Variants in USP36 observed in about 807,000 individuals in gnomAD.
USP36 encodes the protein ubiquitin carboxyl-terminal hydrolase 36.
In USP36, 59 loss-of-function variants were observed where a neutral mutation model predicts 111.5. The observed-to-expected ratio is 0.53, with a 90% CI of 0.43 to 0.66. The LOEUF is 0.66. USP36 is among the 30% of genes least tolerant of loss of function. USP36 has a pLI of 0.00. For synonymous variants in USP36, 628 were observed against 581.0 expected (o/e 1.08, Z -1.16); for missense variants, 1,488 against 1,468.0 (o/e 1.01, Z -0.22).
intron 10 of USP36, among the ~76,000 whole-genome samples, chr17:78,817,078 T>C (rs1908230777): frequency 6.6e-6 from 1 of 152,246 alleles, no homozygotes; most frequent in South Asian, 2.1e-4. Context: ...ATTTTCACTG[T>C]ACCTTCTCTA....
chr17:78,816,603 G>A (rs1185642811), intron 10 of USP36, among the ~76,000 whole-genome samples: 1 of 151,558 alleles, frequency 6.6e-6, no homozygotes, highest in African/African-American at 2.4e-5. Flanking sequence ...TCTAGCCTGG[G>A]TGACAGAGTA....
intron 4 of USP36, 61 bp downstream of exon 4, chr17:78,835,218 TG>T: frequency 6.5e-7 from 1 of 1,535,860 alleles, no homozygotes; most frequent in Non-Finnish European, 8.9e-7. Flanking sequence ...GTGCCACAAG[TG>T]CATGGGCTTA....
intron 4 of USP36, among the ~76,000 whole-genome samples, chr17:78,829,399 C>T (rs1360988165): frequency 6.6e-6 from 1 of 152,228 alleles, no homozygotes. Flanking sequence ...AGCTGCATCA[C>T]ATGGTAAATA....
intron 6 of USP36, among the ~76,000 whole-genome samples, chr17:78,824,546 A>G (rs2067363374): frequency 6.6e-6 from 1 of 152,250 alleles, no homozygotes; most frequent in Admixed American, 6.5e-5. Flanking sequence ...CCTGTCTCAA[A>G]AAGAATGGTT....
chr17:78,788,172 AT>A (rs112360629), intron 3 of USP36, among the ~76,000 whole-genome samples: 47 of 148,226 alleles, frequency 3.2e-4, no homozygotes, highest in South Asian at 1.1e-3. Context: ...TTATTTATTT[AT>A]TTTTTTTTTT....
At chr17:78,825,531 T>G (rs960559695) in intron 6 of USP36, among the ~76,000 whole-genome samples, 6 of 152,046 alleles carry the variant, frequency 3.9e-5, no homozygotes, top group African/African-American at 1.4e-4. Context: ...GCCTCCCTCC[T>G]CTTTCCAGCA....
intron 3 of USP36, among the ~76,000 whole-genome samples, chr17:78,788,344 T>C (rs1424198563): frequency 3.9e-5 from 6 of 152,098 alleles, no homozygotes; most frequent in East Asian, 3.9e-4. Flanking sequence ...TTTGTATTTT[T>C]AGTAGAGACA....
At chr17:78,822,798 T>G (rs1214685842) in intron 6 of USP36, among the ~76,000 whole-genome samples, 1 of 152,210 alleles carries the variant, frequency 6.6e-6, no homozygotes, top group African/African-American at 2.4e-5. Flanking sequence ...CTCACTGCTC[T>G]GGAACTGCCT....
At chr17:78,808,026 C>T (rs7211960) in intron 13 of USP36, among the ~76,000 whole-genome samples, 40,183 of 152,026 alleles carry the variant, frequency 0.26, 6,248 homozygotes, top group African/African-American at 0.44. Context: ...TTTATGGCCA[C>T]CTTTACTATA....
At chr17:78,817,803 A>G (rs2094222933) in intron 10 of USP36, among the ~76,000 whole-genome samples, 1 of 152,138 alleles carries the variant, frequency 6.6e-6, no homozygotes, top group Non-Finnish European at 1.5e-5. Context: ...ACTATAGGCC[A>G]GGTATGGTGG....
chr17:78,835,819 C>A (rs1043538069), intron 3 of USP36, among the ~76,000 whole-genome samples: 1 of 152,142 alleles, frequency 6.6e-6, no homozygotes, highest in Non-Finnish European at 1.5e-5. Context: ...TGCAGCCCAC[C>A]CCATTTCTCT....
At chr17:78,828,305 C>T (rs2067763556) in intron 5 of USP36, among the ~76,000 whole-genome samples, 1 of 152,172 alleles carries the variant, frequency 6.6e-6, no homozygotes, top group Admixed American at 6.5e-5. Flanking sequence ...ACAATTTACA[C>T]AGATTTCAAA....
intron 16 of USP36, 91 bp from the exon 17 acceptor site, chr17:78,802,626 G>A: frequency 7.7e-7 from 1 of 1,305,582 alleles, no homozygotes; most frequent in Non-Finnish European, 1.0e-6. Flanking sequence ...TGGAGAAGGT[G>A]CCACCCCAGC....
chr17:78,827,494 A>G, intron 5 of USP36, 147 bp from the exon 6 acceptor site: 1 of 723,382 alleles, frequency 1.4e-6, no homozygotes. Flanking sequence ...CAAGAGCTCT[A>G]CATGGATTTT....
At chr17:78,800,540 T>C (rs2093714588) in intron 17 of USP36, among the ~76,000 whole-genome samples, 1 of 152,222 alleles carries the variant, frequency 6.6e-6, no homozygotes. Context: ...TCTCCCTGCC[T>C]CCAATTCCTC....
rs1217629977 is a variant in USP36, at chr17:78,821,135, G to A, written c.758-74C>T. ...TCCCAGCTCCCAAGACCGAGACCCA[G>A]CAGGGAGGCAGACTCTCAGCAGGGC... On this transcript the variant is annotated intron_variant, in intron 7 of 20. Coordinates refer to ENST00000449938, the MANE Select transcript of USP36 (RefSeq NM_001385174.1). 4.9e-6 allele frequency: 7 copies of A among 1,422,068 alleles called. No individual in the cohort carries two copies. In the East Asian group the frequency reaches 1.7e-4, roughly 35 times the overall value. The allele number at this position is 1,422,068 out of a possible 1,614,324, so 88.1% of individuals were successfully genotyped here.
chr17:78,836,521 A>C, intron 2 of USP36, 149 bp from the exon 3 acceptor site: 1 of 1,032,320 alleles, frequency 9.7e-7, no homozygotes, highest in Non-Finnish European at 1.4e-6. Flanking sequence ...TGCACAAAGG[A>C]AACAGGGAGA....
chr17:78,791,250 T>C (rs2093581804), downstream of USP36, among the ~76,000 whole-genome samples: 1 of 149,816 alleles, frequency 6.7e-6, no homozygotes. Context: ...TTCTCCTGCC[T>C]CACCCTCCCA....
At chr17:78,825,824 G>T (rs1391999486) in intron 6 of USP36, among the ~76,000 whole-genome samples, 1 of 152,164 alleles carries the variant, frequency 6.6e-6, no homozygotes, top group African/African-American at 2.4e-5. Context: ...TGGGGACACC[G>T]CAACCCTCCT....
Sources: gnomAD v4.1 joint callset for allele counts (sites outside exome capture counted in the v4.1 genomes callset) on GRCh38, gnomAD v4.1.1 for gene constraint, MANE v1.5 for transcripts, NCBI Gene and HGNC (gene_info 2026-07-23, HGNC 2026-07-21) for gene names.